CDH4: variants seen among roughly 807,000 people sequenced by gnomAD.
CDH4 encodes the protein cadherin 4.
CDH4 carries 33 observed loss-of-function variants against 86.0 expected under a neutral mutation model. The observed-to-expected ratio is 0.38, with a 90% CI of 0.29 to 0.51. The LOEUF is 0.51. Among genes scored for constraint, CDH4 ranks in the 20% least tolerant of loss-of-function variants. The pLI is 0.86. For missense variants in CDH4, 1,114 were observed against 1,307.4 expected (o/e 0.85, Z 2.28); for synonymous variants, 555 against 549.4 (o/e 1.01, Z -0.14).
At chr20:61,445,905 G>A (rs1376411114) in intron 2 of CDH4, among the ~76,000 whole-genome samples, 1 of 152,194 alleles carries the variant, frequency 6.6e-6, no homozygotes, top group Non-Finnish European at 1.5e-5. Context: ...GCCATCTGTG[G>A]GCCAGTGCCT....
chr20:61,674,547 C>T (rs2087426141), intron 2 of CDH4, among the ~76,000 whole-genome samples: 1 of 152,334 alleles, frequency 6.6e-6, no homozygotes, highest in African/African-American at 2.4e-5. Context: ...CCACCTCCAC[C>T]AGCACAGTCC....
At chr20:61,712,498 G>A (rs2087904094) in intron 2 of CDH4, among the ~76,000 whole-genome samples, 1 of 152,122 alleles carries the variant, frequency 6.6e-6, no homozygotes, top group African/African-American at 2.4e-5. Flanking sequence ...GGCGGAAGGT[G>A]CATGGGAAGG....
chr20:61,287,900 G>T (rs1441441081), intron 2 of CDH4, among the ~76,000 whole-genome samples: 1 of 152,166 alleles, frequency 6.6e-6, no homozygotes, highest in Admixed American at 6.5e-5. Context: ...TGTCCGGGTG[G>T]CACTGTGGCA....
intron 2 of CDH4, among the ~76,000 whole-genome samples, chr20:61,471,731 T>G (rs1216890556): frequency 1.3e-5 from 2 of 152,112 alleles, no homozygotes; most frequent in African/African-American, 2.4e-5. Context: ...TTTCAAGAAA[T>G]TTTTCAATTT....
At chr20:61,443,862 A>C (rs1422010032) in intron 2 of CDH4, among the ~76,000 whole-genome samples, 1 of 146,186 alleles carries the variant, frequency 6.8e-6, no homozygotes, top group Non-Finnish European at 1.5e-5. Context: ...GTATCTCTCT[A>C]TGTGTCTATA....
At chr20:61,280,170 T>C (rs1486198882) in intron 2 of CDH4, among the ~76,000 whole-genome samples, 2 of 151,884 alleles carry the variant, frequency 1.3e-5, no homozygotes, top group Admixed American at 1.3e-4. Flanking sequence ...GGGCTGTGTG[T>C]GGGATGGGCT....
At chr20:61,612,944 T>C (rs2086696444) in intron 2 of CDH4, among the ~76,000 whole-genome samples, 1 of 151,998 alleles carries the variant, frequency 6.6e-6, no homozygotes, top group South Asian at 2.1e-4. Flanking sequence ...CATTCTTCCA[T>C]CATCTCTGTG....
At chr20:61,315,918 C>T (rs2084473871) in intron 2 of CDH4, among the ~76,000 whole-genome samples, 1 of 152,060 alleles carries the variant, frequency 6.6e-6, no homozygotes, top group Admixed American at 6.5e-5. Flanking sequence ...CACCATGTTG[C>T]CCAGGCTACT....
At chr20:61,565,318 GGTGCTCTTGGTGATGGTGGTA>G (rs1328358492) in intron 2 of CDH4, among the ~76,000 whole-genome samples, 1 of 98,048 alleles carries the variant, frequency 1.0e-5, no homozygotes, top group African/African-American at 3.4e-5. Flanking sequence ...TGGTGGTGGC[GGTGCTCTTGGTGATGGTGGTA>G]GTGGTCCTCT....
At chr20:61,278,119 A>T (rs2084240394) in intron 2 of CDH4, among the ~76,000 whole-genome samples, 1 of 152,158 alleles carries the variant, frequency 6.6e-6, no homozygotes, top group South Asian at 2.1e-4. Flanking sequence ...GGGGCCAAGG[A>T]GCCCCACCTG....
At chr20:61,819,075 A>C (rs918000732) in intron 4 of CDH4, among the ~76,000 whole-genome samples, 5 of 152,140 alleles carry the variant, frequency 3.3e-5, no homozygotes, top group Admixed American at 1.3e-4. Context: ...CAGACAGAGG[A>C]CCCTGTCCAG....
rs142330895 is a variant in CDH4 at position 61,933,071 on chromosome 20, G to A, written c.2326G>A (p.Val776Ile). Residue 776 changes from valine (V) to isoleucine (I), a missense_variant, in exon 14 of 16, where the codon GTC (valine) becomes ATC (isoleucine). Around this residue, in one of 3 missense-constraint regions of CDH4, gnomAD observed 705 missense variants for 914.1 expected, o/e 0.77. Coordinates refer to ENST00000614565, the MANE Select transcript of CDH4 (RefSeq NM_001794.5). ...GCTGCTCATTGACCCCGAGGACGAC[G>A]TCCGCGACAACATCCTCAAGTATGA... is the stretch of plus-strand genomic sequence containing the variant. ...KQLLIDPEDD[V>I]RDNILKYDEE... 1.9e-5 allele frequency: 31 copies of A among 1,613,126 alleles called. No individual in the cohort carries two copies. The highest frequency in any genetic ancestry group is 1.6e-4 in the Middle Eastern group (1 of 6,084).
intron 2 of CDH4, among the ~76,000 whole-genome samples, chr20:61,673,139 C>T (rs761097855): frequency 1.3e-5 from 2 of 152,164 alleles, no homozygotes; most frequent in East Asian, 1.9e-4. Flanking sequence ...TGGCCTGGAG[C>T]CCCCAGAGAG....
intron 2 of CDH4, among the ~76,000 whole-genome samples, chr20:61,652,739 G>T (rs914149422): frequency 4.0e-5 from 6 of 151,192 alleles, no homozygotes; most frequent in Non-Finnish European, 8.8e-5. Flanking sequence ...AATTTTTCCT[G>T]GGTAGATTCC....
chr20:61,717,825 C>CGCCCCCA (rs1015823160), intron 2 of CDH4: 1 of 141,858 alleles, frequency 7.0e-6, no homozygotes, highest in African/African-American at 2.9e-5. Context: ...CCCTGCCCCC[C>CGCCCCCA]GCCCCCAGCC....
chr20:61,851,262 A>T (rs1454109243), intron 5 of CDH4, among the ~76,000 whole-genome samples: 2 of 152,236 alleles, frequency 1.3e-5, no homozygotes, highest in African/African-American at 4.8e-5. Context: ...ACTACAGCAC[A>T]GATTGCCTCT....
intron 2 of CDH4, among the ~76,000 whole-genome samples, chr20:61,443,030 T>C (rs1029286806): frequency 6.6e-6 from 1 of 152,244 alleles, no homozygotes; most frequent in Admixed American, 6.5e-5. Flanking sequence ...ACGTTGCCAG[T>C]GTGTCTTGGA....
In CDH4 at chr20:61,544,145, C is replaced by T. The variant is rs976307382; in HGVS notation, c.170-199418C>T. 1.4e-4 allele frequency among the ~76,000 whole-genome samples: 21 copies of T among 152,228 alleles called. No individual in the cohort carries two copies. Among genetic ancestry groups the T allele is most frequent in the Non-Finnish European group, 1.3e-4 (9 of 68,038 alleles). On this transcript the variant is annotated intron_variant, in intron 2 of 15. Transcript: ENST00000614565. This position sits in a 1 kb window ranked among gnomAD's most constrained non-coding sequence, Gnocchi z 6.5. ...CACTACACTGTGTGGTCCGGTCCCACGGCCATGTGGTCTCTTTAGATCTGC... is the reference window on the plus strand; with the variant it reads ...CACTACACTGTGTGGTCCGGTCCCATGGCCATGTGGTCTCTTTAGATCTGC...
chr20:61,472,984 C>G (rs1397531150), intron 2 of CDH4, among the ~76,000 whole-genome samples: 1 of 152,076 alleles, frequency 6.6e-6, no homozygotes, highest in Non-Finnish European at 1.5e-5. Context: ...CTATACCCAA[C>G]CGGGTGTGGG....
Sources: allele counts gnomAD v4.1 joint callset (sites outside exome capture counted in the v4.1 genomes callset), GRCh38; gene constraint gnomAD v4.1.1; regional missense constraint gnomAD v4.1.1; non-coding constraint Gnocchi (gnomAD v3.1); transcripts MANE v1.5; gene names NCBI Gene and HGNC (gene_info 2026-07-23, HGNC 2026-07-21).